The following SKA1 variants were observed in gnomAD, a reference collection of about 807,000 sequenced individuals.
SKA1 encodes the protein SKA complex subunit 1.
SKA1 carries 20 observed loss-of-function variants against 31.8 expected under a neutral mutation model. That is an observed-to-expected ratio of 0.63 (90% confidence interval 0.44 to 0.91). The LOEUF (loss-of-function observed/expected upper bound fraction) is 0.91, where lower values mean the gene tolerates loss of function less well. Ranked by LOEUF, SKA1 falls within the 40% of genes least tolerant of loss-of-function variation. SKA1 has a pLI of 0.00. For missense variants in SKA1, 253 were observed against 298.2 expected (o/e 0.85, Z 1.12); for synonymous variants, 88 against 100.5 (o/e 0.88, Z 0.74).
At chr18:50,391,590 G>C (rs2041357591) in intron 6 of SKA1, among the ~76,000 whole-genome samples, 3 of 152,172 alleles carry the variant, frequency 2.0e-5, no homozygotes, top group Admixed American at 2.0e-4. Flanking sequence ...CTGAGCCTGA[G>C]AAACATTGCT....
intron 6 of SKA1, 117 bp downstream of exon 6, chr18:50,391,410 G>A: frequency 9.7e-7 from 1 of 1,025,832 alleles, no homozygotes; most frequent in Non-Finnish European, 1.3e-6. Flanking sequence ...CCAACCAGGA[G>A]CAGTTATCCT....
intron 5 of SKA1, among the ~76,000 whole-genome samples, chr18:50,386,227 G>A (rs1240338881): frequency 6.6e-6 from 1 of 151,932 alleles, no homozygotes; most frequent in African/African-American, 2.4e-5. Context: ...TTACATATTT[G>A]GGTTGACTTT....
In SKA1 at chr18:50,375,864, C is replaced by T; in HGVS notation, c.34C>T (p.His12Tyr). 2.5e-6 allele frequency: 4 copies of T among 1,611,542 alleles called. No individual in the cohort carries two copies. The highest frequency in any genetic ancestry group is 3.4e-6 in the Non-Finnish European group (4 of 1,178,990). The change falls in exon 2 of 7, where the codon CAT (histidine) becomes TAT (tyrosine). Residue 12 changes from histidine to tyrosine, a missense_variant. His to Tyr is a moderately conservative substitution (Grantham distance 83). Coordinates refer to ENST00000285116, the MANE Select transcript of SKA1 (RefSeq NM_145060.4). Reference sequence around the variant, plus strand: ...GTCAGATCTGGAACAATTATGCTCTCATGTTAATGAAAAGATTGGCAATAT... The same window carrying T: ...GTCAGATCTGGAACAATTATGCTCTTATGTTAATGAAAAGATTGGCAATAT... ...ASSDLEQLCS[H>Y]VNEKIGNIKK...
At chr18:50,375,722 T>A (rs1055892091) in intron 1 of SKA1, 98 bp from the exon 2 acceptor site, 1 of 708,842 alleles carries the variant, frequency 1.4e-6, no homozygotes, top group Non-Finnish European at 2.4e-6. Context: ...TTCAAAGACA[T>A]GTGATTTACT....
At chr18:50,379,591 C>A (rs772678943) in intron 2 of SKA1, among the ~76,000 whole-genome samples, 65 of 152,186 alleles carry the variant, frequency 4.3e-4, no homozygotes, top group Admixed American at 1.0e-3. Context: ...GAGATTCTCA[C>A]TTCCAACACC....
At chr18:50,386,109 A>G (rs2041305418) in intron 5 of SKA1, among the ~76,000 whole-genome samples, 1 of 152,164 alleles carries the variant, frequency 6.6e-6, no homozygotes, top group Admixed American at 6.5e-5. Context: ...TATTATAGCA[A>G]TGTAGTTATA....
intron 5 of SKA1, among the ~76,000 whole-genome samples, chr18:50,388,537 AG>A (rs1224915691): frequency 1.1e-4 from 6 of 54,784 alleles, no homozygotes; most frequent in African/African-American, 4.8e-4. Flanking sequence ...GGTGTTGGAG[AG>A]GAGAAGCATT....
intron 4 of SKA1, among the ~76,000 whole-genome samples, chr18:50,383,610 C>G (rs549563226): frequency 6.6e-6 from 1 of 152,370 alleles, no homozygotes; most frequent in South Asian, 2.1e-4. Context: ...CTGTCTTGCT[C>G]TTTCTCAGCC....
intron 2 of SKA1, among the ~76,000 whole-genome samples, chr18:50,377,996 C>A (rs1031019): frequency 0.34 from 52,191 of 151,992 alleles, 9,177 homozygotes; most frequent in African/African-American, 0.4. Flanking sequence ...TGGCCCAGGT[C>A]CCTCAGCTCA....
intron 2 of SKA1, among the ~76,000 whole-genome samples, chr18:50,376,199 T>G (rs1232915428): frequency 6.6e-6 from 1 of 152,232 alleles, no homozygotes; most frequent in African/African-American, 2.4e-5. Flanking sequence ...GTGGCATCCA[T>G]GGTTCTACAG....
chr18:50,382,006 T>C, intron 3 of SKA1, 123 bp from the exon 4 acceptor site: 1 of 629,986 alleles, frequency 1.6e-6, no homozygotes, highest in African/African-American at 2.0e-5. Flanking sequence ...ATTACAGGCA[T>C]GAGCCACCGC....
chr18:50,391,267 T>C lies in SKA1; in HGVS notation c.593T>C (p.Ile198Thr), dbSNP rs752361111. Residue 198 changes from isoleucine (I) to threonine (T), a missense_variant, in exon 6 of 7, where the codon ATT (isoleucine) becomes ACT (threonine). Ile to Thr is a moderately conservative substitution (Grantham distance 89, BLOSUM62 -1). Transcript: ENST00000285116. ...SVTRNLYHRF[I>T]DEETKDTKGR... Reference sequence around the variant, plus strand: ...ACCAGAAATCTCTATCACAGATTTATTGATGAAGAAACGAAGGATACCAAA... The same window carrying C: ...ACCAGAAATCTCTATCACAGATTTACTGATGAAGAAACGAAGGATACCAAA... 7.5e-6 allele frequency: 12 copies of C among 1,598,916 alleles called. No homozygotes were observed. The highest frequency in any genetic ancestry group is 5.4e-5 in the African/African-American group (4 of 73,928).
At chr18:50,388,015 A>G (rs1049712981) in intron 5 of SKA1, among the ~76,000 whole-genome samples, 6 of 152,192 alleles carry the variant, frequency 3.9e-5, no homozygotes, top group African/African-American at 7.2e-5. Context: ...GAGCTGGGCT[A>G]TGTTTAATGG....
chr18:50,384,464 A>G (rs1388333647), intron 4 of SKA1, among the ~76,000 whole-genome samples: 3 of 152,124 alleles, frequency 2.0e-5, no homozygotes, highest in Non-Finnish European at 4.4e-5. Context: ...CACTCGCTGT[A>G]AAAATTGGGC....
chr18:50,391,598 G>A (rs1382805950), intron 6 of SKA1, among the ~76,000 whole-genome samples: 2 of 152,158 alleles, frequency 1.3e-5, no homozygotes, highest in Non-Finnish European at 2.9e-5. Context: ...GAGAAACATT[G>A]CTTTAGAGTC....
intron 6 of SKA1, among the ~76,000 whole-genome samples, chr18:50,391,508 C>A (rs1455824110): frequency 1.3e-5 from 2 of 152,140 alleles, no homozygotes; most frequent in Non-Finnish European, 2.9e-5. Flanking sequence ...GCCAGGGATG[C>A]TGCTATAACA....
intron 5 of SKA1, among the ~76,000 whole-genome samples, chr18:50,386,749 C>T (rs1349709050): frequency 6.6e-6 from 1 of 152,166 alleles, no homozygotes; most frequent in African/African-American, 2.4e-5. Flanking sequence ...TCCCACTGAA[C>T]CCCAGAATGT....
chr18:50,383,042 TAAATA>T (rs1428240551), intron 4 of SKA1, among the ~76,000 whole-genome samples: 1 of 151,928 alleles, frequency 6.6e-6, no homozygotes, highest in Non-Finnish European at 1.5e-5. Context: ...TCAAAATAAA[TAAATA>T]AATAAAAGCC....
chr18:50,375,313 T>C (rs1450285936), intron 1 of SKA1, 119 bp downstream of exon 1: 1 of 152,324 alleles, frequency 6.6e-6, no homozygotes, highest in Non-Finnish European at 1.5e-5. Flanking sequence ...CTGGGTTGGA[T>C]GCTTTAGACC....
Sources: gnomAD v4.1 joint callset for allele counts (sites outside exome capture counted in the v4.1 genomes callset) on GRCh38, gnomAD v4.1.1 for gene constraint, MANE v1.5 for transcripts, NCBI Gene and HGNC (gene_info 2026-07-23, HGNC 2026-07-21) for gene names.